ANKRD44: variants seen among roughly 807,000 people sequenced by gnomAD.
ANKRD44 encodes serine/threonine-protein phosphatase 6 regulatory ankyrin repeat subunit B.
ANKRD44 carries 35 observed loss-of-function variants against 116.0 expected under a neutral mutation model. The observed-to-expected ratio is 0.30, with a 90% CI of 0.23 to 0.40. ANKRD44 has a LOEUF of 0.40. Ranked by LOEUF, ANKRD44 falls within the 10% of genes least tolerant of loss-of-function variation. The pLI is 1.00. For synonymous variants in ANKRD44, 435 were observed against 461.8 expected (o/e 0.94, Z 0.74); for missense variants, 1,014 against 1,242.6 (o/e 0.82, Z 2.77).
intron 22 of ANKRD44, among the ~76,000 whole-genome samples, 176 bp downstream of exon 22, chr2:197,001,577 A>C (rs973082071): frequency 4.6e-5 from 7 of 152,208 alleles, no homozygotes; most frequent in Non-Finnish European, 1.0e-4. Context: ...ACTCCACAAA[A>C]ATCTCCGGGA....
intron 1 of ANKRD44, among the ~76,000 whole-genome samples, chr2:197,274,851 T>C (rs539804214): frequency 6.6e-6 from 1 of 152,202 alleles, no homozygotes; most frequent in East Asian, 1.9e-4. Flanking sequence ...CCTAGCACTT[T>C]GGGAGGCCAA....
intron 8 of ANKRD44, 147 bp from the exon 9 acceptor site, chr2:197,110,991 C>CAGTG: frequency 1.6e-6 from 1 of 618,366 alleles, no homozygotes; most frequent in South Asian, 2.0e-5. Flanking sequence ...CATGAGGCTG[C>CAGTG]AGTGAGCTAG....
intron 1 of ANKRD44, among the ~76,000 whole-genome samples, chr2:197,280,205 A>C (rs957931744): frequency 6.6e-6 from 1 of 152,322 alleles, no homozygotes; most frequent in Non-Finnish European, 1.5e-5. Context: ...CCCCGGGGCC[A>C]TGTGCAGTCT....
At chr2:197,235,739 ATAT>A (rs1379708973) in intron 1 of ANKRD44, among the ~76,000 whole-genome samples, 1 of 151,952 alleles carries the variant, frequency 6.6e-6, no homozygotes, top group South Asian at 2.1e-4. Context: ...TACAATACAA[ATAT>A]TATATACAAA....
At chr2:197,200,576 C>T (rs948383645) in intron 1 of ANKRD44, among the ~76,000 whole-genome samples, 2 of 152,112 alleles carry the variant, frequency 1.3e-5, no homozygotes, top group African/African-American at 2.4e-5. Context: ...AAATGCACTA[C>T]TTCCAGACAG....
At chr2:197,297,014 A>C (rs1208823069) in intron 1 of ANKRD44, among the ~76,000 whole-genome samples, 1 of 152,248 alleles carries the variant, frequency 6.6e-6, no homozygotes, top group Admixed American at 6.5e-5. Flanking sequence ...TCAAAAAGAC[A>C]CAGTTTTATA....
chr2:197,073,851 C>A (rs1413144463), intron 16 of ANKRD44, among the ~76,000 whole-genome samples: 1 of 152,166 alleles, frequency 6.6e-6, no homozygotes, highest in Admixed American at 6.5e-5. Flanking sequence ...GGAGGCAATG[C>A]CCCAGTGTCC....
At chr2:197,301,391 C>A (rs1313792697) in intron 1 of ANKRD44, 1 of 152,136 alleles carries the variant, frequency 6.6e-6, no homozygotes, top group East Asian at 1.9e-4. Context: ...TTCCTGTCCC[C>A]TCATGTCACC....
rs2076227010 is a variant in ANKRD44 at position 197,007,830 on chromosome 2, T to C, written c.2106A>G (p.Leu702=). ...CCCCTCTGTGTAAAGCTGTGCATCC[T>C]AGGATGTCAACAGTGTCTACGTTGG... ...KEANVDTVDI[L]GCTALHRGIM... Residue 702 remains leucine (L), a synonymous_variant, in exon 20 of 28, where the codon CTA becomes CTG. Coordinates refer to ENST00000282272, the MANE Select transcript of ANKRD44 (RefSeq NM_001195144.2). The C allele has an allele frequency of 5.0e-6, 8 of 1,613,466 alleles. No homozygotes were observed. Among genetic ancestry groups the C allele is most frequent in the Non-Finnish European group, 6.8e-6 (8 of 1,179,504 alleles).
chr2:197,085,369 G>A (rs2125154439), intron 13 of ANKRD44, among the ~76,000 whole-genome samples: 1 of 152,306 alleles, frequency 6.6e-6, no homozygotes, highest in African/African-American at 2.4e-5. Flanking sequence ...AGAGACATGT[G>A]AACCAGAGCA....
intron 1 of ANKRD44, among the ~76,000 whole-genome samples, chr2:197,219,159 T>A (rs958494331): frequency 6.7e-6 from 1 of 149,000 alleles, no homozygotes; most frequent in Non-Finnish European, 1.5e-5. Context: ...AACCTCTGCC[T>A]CCCAGGTTCA....
intron 16 of ANKRD44, among the ~76,000 whole-genome samples, chr2:197,068,408 A>T (rs200654346): frequency 6.3e-4 from 36 of 57,222 alleles, no homozygotes; most frequent in Non-Finnish European, 9.4e-4. Context: ...TAAAAATAAA[A>T]TAAAAAAAAA....
intron 1 of ANKRD44, among the ~76,000 whole-genome samples, chr2:197,192,323 G>A (rs1559137930): frequency 6.6e-6 from 1 of 152,170 alleles, no homozygotes; most frequent in African/African-American, 2.4e-5. Flanking sequence ...AGATCCTGGT[G>A]TGTTGCTTGT....
rs2078883120 is a variant in ANKRD44, at chr2:197,122,674, C to T, written c.669G>A (p.Lys223=). 1.2e-6 allele frequency: 2 copies of T among 1,613,958 alleles called. No homozygotes were observed. Among genetic ancestry groups the T allele is most frequent in the African/African-American group, 2.7e-5 (2 of 74,938 alleles). ...CCTCCACCCCCAGGTTCAGGAGATG[C>T]TTGACAACATTAATCTGTCCATTGG... The part of the protein sequence containing the change: ...AASNGQINVV[K]HLLNLGVEID... The change falls in exon 7 of 28, where the codon AAG becomes AAA. Residue 223 remains lysine (K), a synonymous_variant. Coordinates refer to ENST00000282272, the MANE Select transcript of ANKRD44 (RefSeq NM_001195144.2).
chr2:197,246,900 A>T (rs2082205178), intron 1 of ANKRD44, among the ~76,000 whole-genome samples: 1 of 152,194 alleles, frequency 6.6e-6, no homozygotes, highest in South Asian at 2.1e-4. Flanking sequence ...ATTGGAACCC[A>T]GGTGACCCAA....
chr2:197,247,385 C>G (rs1166306844), intron 1 of ANKRD44, among the ~76,000 whole-genome samples: 2 of 152,130 alleles, frequency 1.3e-5, no homozygotes, highest in Admixed American at 1.3e-4. Context: ...GCTTCCCAGT[C>G]CAGGAAACAG....
intron 16 of ANKRD44, among the ~76,000 whole-genome samples, chr2:197,068,853 C>A (rs2077498746): frequency 6.6e-6 from 1 of 152,158 alleles, no homozygotes; most frequent in Admixed American, 6.5e-5. Context: ...GTTGGTGGGA[C>A]TGTAAACTAG....
intron 3 of ANKRD44, among the ~76,000 whole-genome samples, chr2:197,142,871 G>A (rs891531815): frequency 6.6e-6 from 1 of 151,872 alleles, no homozygotes; most frequent in African/African-American, 2.4e-5. Context: ...CAGATGTGGT[G>A]GCTCATGCCT....
chr2:197,110,184 C>T (rs1250236668), intron 9 of ANKRD44, among the ~76,000 whole-genome samples: 1 of 152,102 alleles, frequency 6.6e-6, no homozygotes, highest in Non-Finnish European at 1.5e-5. Context: ...ACCATGTTGG[C>T]CAGGCTGGTC....
Sources: gnomAD v4.1 joint callset for allele counts (sites outside exome capture counted in the v4.1 genomes callset) on GRCh38, gnomAD v4.1.1 for gene constraint, MANE v1.5 for transcripts, NCBI Gene and HGNC (gene_info 2026-07-23, HGNC 2026-07-21) for gene names.